GPR151: variants seen among roughly 807,000 people sequenced by gnomAD.
GPR151 encodes G-protein coupled receptor PGR7.
Under a neutral mutation model 18.2 loss-of-function variants are expected in GPR151, and 16 were observed. The ratio of observed to expected loss-of-function variants is 0.88; its 90% CI spans 0.60 to 1.34. The LOEUF (loss-of-function observed/expected upper bound fraction) is 1.34, where lower values mean the gene tolerates loss of function less well. GPR151 is among the 40% of genes most tolerant of loss of function. The pLI, the probability that GPR151 is intolerant of heterozygous loss-of-function variation, is 0.00. For synonymous variants in GPR151, 202 were observed against 191.2 expected (o/e 1.06, Z -0.47); for missense variants, 509 against 504.3 (o/e 1.01, Z -0.09).
In GPR151 at chr5:146,514,639, ATTGT is replaced by A. The variant is rs1768568227; in HGVS notation, c.*211_*214del. 8.0e-6 allele frequency: 4 copies of A among 500,730 alleles called. No individual in the cohort carries two copies. The highest frequency in any genetic ancestry group is 3.8e-5 in the Admixed American group (1 of 26,578). The allele number at this position is 500,730 out of a possible 1,614,324, so 31.0% of individuals were successfully genotyped here. A position where few individuals can be genotyped will look rare whatever the true frequency, so the allele number is the denominator to read the frequency against. ...AGCAACATCTTTACACAACACTTAAATTGTTTGGGAAGCCAAGTTCTAATTCTGA... is the reference window on the plus strand; with the variant it reads ...AGCAACATCTTTACACAACACTTAAATTGGGAAGCCAAGTTCTAATTCTGA... On this transcript the variant is annotated 3_prime_UTR_variant, in exon 1 of 1. Coordinates refer to ENST00000311104, the MANE Select transcript of GPR151 (RefSeq NM_194251.3).
Position 146,515,838 on chromosome 5 carries a change from T to A in GPR151, c.276A>T (p.Ala92=). The change falls in exon 1 of 1, where the codon GCA becomes GCT. Residue 92 remains alanine (A), a synonymous_variant. Coordinates refer to ENST00000311104, the MANE Select transcript of GPR151 (RefSeq NM_194251.3). ...TGGAGTACGCCGTAGCTCGGATAGGTGCAGAAAACAGCAGGAGGGAGAGAT... is the reference window on the plus strand; with the variant it reads ...TGGAGTACGCCGTAGCTCGGATAGGAGCAGAAAACAGCAGGAGGGAGAGAT... ...LADLSLLLFS[A]PIRATAYSKS... 1 of 1,614,084 alleles carries A rather than the reference T, an allele frequency of 6.2e-7. No individual in the cohort carries two copies. The highest frequency in any genetic ancestry group is 8.5e-7 in the Non-Finnish European group (1 of 1,180,002).
In GPR151 at chr5:146,514,625, T is replaced by TAA; in HGVS notation, c.*228_*229insTT. On this transcript the variant is annotated 3_prime_UTR_variant, in exon 1 of 1. Coordinates refer to ENST00000311104, the MANE Select transcript of GPR151 (RefSeq NM_194251.3). ...CTAATCACTTTGACAGCAACATCTTTACACAACACTTAAATTGTTTGGGAA... is the reference window on the plus strand; with the variant it reads ...CTAATCACTTTGACAGCAACATCTTTAAACACAACACTTAAATTGTTTGGGAA... 7 of 480,436 alleles carry TAA rather than the reference T, an allele frequency of 1.5e-5. No individual in the cohort carries two copies. Among genetic ancestry groups the TAA allele is most frequent in the South Asian group, 7.3e-5 (2 of 27,418 alleles). The allele number at this position is 480,436 out of a possible 1,614,324, so 29.8% of individuals were successfully genotyped here. A position where few individuals can be genotyped will look rare whatever the true frequency, so the allele number is the denominator to read the frequency against.
At position 146,516,169 on chromosome 5, in the gene GPR151, C is replaced by G; in HGVS notation, c.-56G>C. 1 of 1,511,774 alleles carries G rather than the reference C, an allele frequency of 6.6e-7. No homozygotes were observed. Among genetic ancestry groups the G allele is most frequent in the Non-Finnish European group, 8.9e-7 (1 of 1,121,020 alleles). The allele number at this position is 1,511,774 out of a possible 1,614,324, so 93.6% of individuals were successfully genotyped here. On this transcript the variant is annotated 5_prime_UTR_variant, in exon 1 of 1. Transcript: ENST00000311104. ...TTCTTATTTAGGTTTGTCTTTCTGC[C>G]TGGGCTCTTTTGCATAGGAAATAAG...
At position 146,515,483 on chromosome 5, in the gene GPR151, A is replaced by T; in HGVS notation, c.631T>A (p.Phe211Ile). 1 of 1,614,176 alleles carries T rather than the reference A, an allele frequency of 6.2e-7. No individual in the cohort carries two copies. The highest frequency in any genetic ancestry group is 8.5e-7 in the Non-Finnish European group (1 of 1,180,014). The change falls in exon 1 of 1, where the codon TTT (phenylalanine) becomes ATT (isoleucine). Residue 211 changes from phenylalanine (F) to isoleucine (I), a missense_variant. Coordinates refer to ENST00000311104, the MANE Select transcript of GPR151 (RefSeq NM_194251.3). The stretch of plus-strand genomic sequence containing the variant: ...CTGGCAAAAAATAATGGAAGGCCAA[A>T]TGCCAGGAGTGGGTAGAGCTTACCA... ...MFGKLYPLLA[F>I]GLPLFFASFY... is the part of the protein sequence containing the mutation.
chr5:146,515,372 C>T lies in GPR151; in HGVS notation c.742G>A (p.Val248Ile), dbSNP rs762179952. The change falls in exon 1 of 1, where the codon GTC (valine) becomes ATC (isoleucine). Residue 248 changes from valine (V) to isoleucine (I), a missense_variant. Transcript: ENST00000311104. ...GCAATGCTCAGCAGCATCACTGTGA[C>T]TTGCTTTGAGCGTATCTGGTTTCTA... ...NLRNQIRSKQ[V>I]TVMLLSIAII... 4 of 1,614,220 alleles carry T rather than the reference C, an allele frequency of 2.5e-6. No homozygotes were observed. The highest frequency in any genetic ancestry group is 1.7e-5 in the Admixed American group (1 of 60,024).
In GPR151 at chr5:146,515,877, A is replaced by T. The variant is rs780955375; in HGVS notation, c.237T>A (p.Asn79Lys). 1.9e-6 allele frequency: 3 copies of T among 1,614,062 alleles called. No individual in the cohort carries two copies. Among genetic ancestry groups the T allele is most frequent in the Non-Finnish European group, 2.5e-6 (3 of 1,180,044 alleles). Residue 79 changes from asparagine to lysine, a missense_variant, in exon 1 of 1, where the codon AAT (asparagine) becomes AAA (lysine). Asn to Lys is a moderately conservative substitution (Grantham distance 94, BLOSUM62 0). Coordinates refer to ENST00000311104, the MANE Select transcript of GPR151 (RefSeq NM_194251.3). ...GGAGGGAGAGATCAGCCAGGCTGAG[A>T]TTCAGAATCAGGGAGTGGATCATGG... ...KPSMIHSLILNLSLADLSLLL... is the reference protein window; with the variant it reads ...KPSMIHSLILKLSLADLSLLL...
chr5:146,514,927 A>T lies in GPR151; in HGVS notation c.1187T>A (p.Val396Asp), dbSNP rs372506032. Residue 396 changes from valine (V) to aspartate (D), a missense_variant, in exon 1 of 1, where the codon GTC (valine) becomes GAC (aspartate). Physicochemically the swap from Val to Asp is radical, Grantham distance 152. Transcript: ENST00000311104. ...AGGGTCATTGTCCTGTACAGAAGGGACTGTGTCCCTCTCATGCCAAAACTG... is the reference window on the plus strand; with the variant it reads ...AGGGTCATTGTCCTGTACAGAAGGGTCTGTGTCCCTCTCATGCCAAAACTG... ...VEQFWHERDTVPSVQDNDPIP... is the reference protein window; with the variant it reads ...VEQFWHERDTDPSVQDNDPIP... The T allele has an allele frequency of 8.1e-6, 13 of 1,613,626 alleles. No homozygotes were observed. In the East Asian group the frequency reaches 1.1e-4, roughly 14 times the overall value.
chr5:146,515,561 C>T lies in GPR151; in HGVS notation c.553G>A (p.Glu185Lys). The T allele has an allele frequency of 1.2e-6, 2 of 1,614,176 alleles. No homozygotes were observed. Among genetic ancestry groups the T allele is most frequent in the Non-Finnish European group, 1.7e-6 (2 of 1,180,030 alleles). Reference sequence around the variant, plus strand: ...GCTGGTACATCCACGAGGCACATTTCCACACCTTCATGATGCCTGATGGTG... The same window carrying T: ...GCTGGTACATCCACGAGGCACATTTTCACACCTTCATGATGCCTGATGGTG... ...FSTIRHHEGVEMCLVDVPAVA... is the reference protein window; with the variant it reads ...FSTIRHHEGVKMCLVDVPAVA... Residue 185 changes from glutamate to lysine, a missense_variant, in exon 1 of 1, where the codon GAA (glutamate) becomes AAA (lysine). Physicochemically the swap from Glu to Lys is moderately conservative, Grantham distance 56 (BLOSUM62 1). Coordinates refer to ENST00000311104, the MANE Select transcript of GPR151 (RefSeq NM_194251.3).
Position 146,514,849 on chromosome 5 carries a change from TAAATC to T in GPR151, c.1260_*4del. ...TCACAGTTTGTTTTGCTTTGAAACTTAAATCTATTTAACACCTTCCCCTGTCTCTT... is the reference window on the plus strand; with the variant it reads ...TCACAGTTTGTTTTGCTTTGAAACTTTATTTAACACCTTCCCCTGTCTCTT... On this transcript the variant is annotated stop_retained_variant and 3_prime_UTR_variant, in exon 1 of 1. Coordinates refer to ENST00000311104, the MANE Select transcript of GPR151 (RefSeq NM_194251.3). 2.6e-6 allele frequency: 4 copies of T among 1,555,806 alleles called. No homozygotes were observed. Among genetic ancestry groups the T allele is most frequent in the African/African-American group, 1.4e-5 (1 of 72,674 alleles).
Position 146,515,145 on chromosome 5 carries a change from C to T in GPR151, c.969G>A (p.Trp323Ter), listed in dbSNP as rs767524704. Reference protein sequence around the residue: ...FREGLKGVWKWMITKKPPTVS... With the variant: ...FREGLKGVWK ...CAGTTGGAGGTTTTTTGGTTATCAT[C>T]CATTTCCATACACCTTTCAAGCCTT... Residue 323 changes from tryptophan to a stop codon, truncating the protein, a stop_gained, in exon 1 of 1, where the codon TGG becomes TGA. Transcript: ENST00000311104. LOFTEE classifies it low-confidence loss of function (END_TRUNC). 2.4e-5 allele frequency: 39 copies of T among 1,613,926 alleles called. No homozygotes were observed. Among genetic ancestry groups the T allele is most frequent in the Middle Eastern group, 3.3e-4 (2 of 6,084 alleles).
chr5:146,516,137 A>C lies in GPR151; in HGVS notation c.-24T>G, dbSNP rs1768618256. On this transcript the variant is annotated 5_prime_UTR_variant, in exon 1 of 1. Transcript: ENST00000311104. The stretch of plus-strand genomic sequence containing the variant: ...ATCACTCTTCACAGCTTCTTACAGA[A>C]GTTAGATTCTTATTTAGGTTTGTCT... The C allele has an allele frequency of 6.3e-7, 1 of 1,577,284 alleles. No individual in the cohort carries two copies. The highest frequency in any genetic ancestry group is 8.6e-7 in the Non-Finnish European group (1 of 1,163,984).
chr5:146,515,375 G>C lies in GPR151; in HGVS notation c.739C>G (p.Gln247Glu). ...ATGCTCAGCAGCATCACTGTGACTT[G>C]CTTTGAGCGTATCTGGTTTCTAAGA... is the stretch of plus-strand genomic sequence containing the variant. ...QNLRNQIRSK[Q>E]VTVMLLSIAI... The change falls in exon 1 of 1, where the codon CAA becomes GAA. Residue 247 changes from glutamine to glutamate, a missense_variant. By Grantham distance (29) the Gln-to-Glu change is conservative (BLOSUM62 2). Coordinates refer to ENST00000311104, the MANE Select transcript of GPR151 (RefSeq NM_194251.3). The C allele has an allele frequency of 6.2e-7, 1 of 1,614,188 alleles. No individual in the cohort carries two copies. The highest frequency in any genetic ancestry group is 1.7e-5 in the Admixed American group (1 of 60,030).
In GPR151 at chr5:146,515,120, CAGTT is replaced by C. The variant is rs756654184; in HGVS notation, c.990_993del (p.Thr331SerfsTer55). The C allele has an allele frequency of 6.2e-7, 1 of 1,614,096 alleles. No homozygotes were observed. Among genetic ancestry groups the C allele is most frequent in the South Asian group, 1.1e-5 (1 of 91,074 alleles). The stretch of plus-strand genomic sequence containing the variant: ...GCTGGTGTTTCCTGAGACTCTGAGA[CAGTT>C]GGAGGTTTTTTGGTTATCATCCATT... On this transcript the variant is annotated frameshift_variant, in exon 1 of 1. Transcript: ENST00000311104. LOFTEE classifies it low-confidence loss of function (END_TRUNC).
chr5:146,515,232 C>T lies in GPR151; in HGVS notation c.882G>A (p.Leu294=). ...GATTTGCTGAAGAGATGGAAAACAT[C>T]AAGACTTGAGACAGGGCTATGAAAC... is the stretch of plus-strand genomic sequence containing the variant. ...PQGFIALSQV[L]MFSISSANPL... The change falls in exon 1 of 1, where the codon TTG becomes TTA. Residue 294 remains leucine (L), a synonymous_variant. Transcript: ENST00000311104. The T allele has an allele frequency of 1.9e-6, 3 of 1,614,098 alleles. No homozygotes were observed. The highest frequency in any genetic ancestry group is 2.5e-6 in the Non-Finnish European group (3 of 1,180,024).
At position 146,515,462 on chromosome 5, in the gene GPR151, C is replaced by CA; in HGVS notation, c.651dup (p.Ala218CysfsTer10). 1 of 1,613,960 alleles carries CA rather than the reference C, an allele frequency of 6.2e-7. No homozygotes were observed. The highest frequency in any genetic ancestry group is 8.5e-7 in the Non-Finnish European group (1 of 1,179,940). The stretch of plus-strand genomic sequence containing the variant: ...TAAGCTCTCCAGAAATAAAAGCTGG[C>CA]AAAAAATAATGGAAGGCCAAATGCC... On this transcript the variant is annotated frameshift_variant, in exon 1 of 1. Coordinates refer to ENST00000311104, the MANE Select transcript of GPR151 (RefSeq NM_194251.3). LOFTEE classifies it high-confidence loss of function.
At position 146,515,319 on chromosome 5, in the gene GPR151, G is replaced by A. The variant is rs751298465; in HGVS notation, c.795C>T (p.Pro265=). 1.7e-5 allele frequency: 27 copies of A among 1,614,018 alleles called. No homozygotes were observed. The highest frequency in any genetic ancestry group is 2.1e-5 in the Non-Finnish European group (25 of 1,180,034). The change falls in exon 1 of 1, where the codon CCC becomes CCT. Residue 265 remains proline (P), a synonymous_variant. Coordinates refer to ENST00000311104, the MANE Select transcript of GPR151 (RefSeq NM_194251.3). The part of the protein sequence containing the change: ...IAIISALLWL[P]EWVAWLWVWH... Reference sequence around the variant, plus strand: ...ATACCCACAGCCAAGCTACCCATTCGGGGAGCCACAAGAGAGCAGAGATGA... The same window carrying A: ...ATACCCACAGCCAAGCTACCCATTCAGGGAGCCACAAGAGAGCAGAGATGA...
Position 146,515,407 on chromosome 5 carries a change from G to T in GPR151, c.707C>A (p.Thr236Asn). The T allele has an allele frequency of 1.2e-6, 2 of 1,614,122 alleles. No homozygotes were observed. Among genetic ancestry groups the T allele is most frequent in the Non-Finnish European group, 1.7e-6 (2 of 1,180,016 alleles). Residue 236 changes from threonine to asparagine, a missense_variant, in exon 1 of 1, where the codon ACT (threonine) becomes AAT (asparagine). Transcript: ENST00000311104. ...YDQCKKRGTK[T>N]QNLRNQIRSK... is the part of the protein sequence containing the mutation. ...GCGTATCTGGTTTCTAAGATTTTGA[G>T]TCTTAGTTCCTCGTTTTTTACATTG...
In GPR151 at chr5:146,516,027, GGGCA is replaced by G; in HGVS notation, c.83_86del (p.Leu28ProfsTer29). 6.2e-7 allele frequency: 1 copy of G among 1,614,082 alleles called. No individual in the cohort carries two copies. The highest frequency in any genetic ancestry group is 8.5e-7 in the Non-Finnish European group (1 of 1,180,018). On this transcript the variant is annotated frameshift_variant, in exon 1 of 1. Transcript: ENST00000311104. LOFTEE classifies it high-confidence loss of function. Reference sequence around the variant, plus strand: ...TGGTTCTCCAGTCCTGGGAATCAGAGGGCAGGTACCCTCCGGCAAAGTGGAGGTG... The same window carrying G: ...TGGTTCTCCAGTCCTGGGAATCAGAGGGTACCCTCCGGCAAAGTGGAGGTG...
Position 146,514,609 on chromosome 5 carries a change from TTGA to T in GPR151, c.*242_*244del. ...AGAATAGCCAGGCTGTCTAATCACTTTGACAGCAACATCTTTACACAACACTTA... is the reference window on the plus strand; with the variant it reads ...AGAATAGCCAGGCTGTCTAATCACTTCAGCAACATCTTTACACAACACTTA... On this transcript the variant is annotated 3_prime_UTR_variant, in exon 1 of 1. Transcript: ENST00000311104. 2.3e-6 allele frequency: 1 copy of T among 432,796 alleles called. No homozygotes were observed. The highest frequency in any genetic ancestry group is 4.1e-6 in the Non-Finnish European group (1 of 246,078). 26.8% of individuals were successfully genotyped at this position (432,796 alleles called of 1,614,324 possible).
Sources: gnomAD v4.1 joint callset for allele counts on GRCh38, gnomAD v4.1.1 for gene constraint, MANE v1.5 for transcripts, NCBI Gene and HGNC (gene_info 2026-07-23, HGNC 2026-07-21) for gene names.